Variants in ASXL2 observed in about 807,000 individuals in gnomAD.
ASXL2 encodes the protein putative Polycomb group protein ASXL2.
Under a neutral mutation model 122.0 loss-of-function variants are expected in ASXL2, and 23 were observed. The observed-to-expected ratio is 0.19, with a 90% CI of 0.14 to 0.27. ASXL2 has a LOEUF of 0.27. Ranked by LOEUF, ASXL2 falls within the 10% of genes least tolerant of loss-of-function variation. The pLI, the probability that ASXL2 is intolerant of heterozygous loss-of-function variation, is 1.00. For synonymous variants in ASXL2, 650 were observed against 637.0 expected (o/e 1.02, Z -0.31); for missense variants, 1,518 against 1,713.8 (o/e 0.89, Z 2.02).
chr2:25,846,265 G>A (rs556221689), intron 1 of ASXL2, among the ~76,000 whole-genome samples: 8 of 152,136 alleles, frequency 5.3e-5, no homozygotes, highest in Non-Finnish European at 1.0e-4. Flanking sequence ...CTCCGCCCTT[G>A]CCCCAGGCAA....
chr2:25,763,489 TAA>T (rs111512688), intron 8 of ASXL2, among the ~76,000 whole-genome samples: 1 of 138,712 alleles, frequency 7.2e-6, no homozygotes, highest in Admixed American at 7.2e-5. Context: ...GACTCCATGT[TAA>T]AAAAAAAAAA....
At chr2:25,779,298 A>G (rs2088596514) in intron 5 of ASXL2, among the ~76,000 whole-genome samples, 1 of 151,760 alleles carries the variant, frequency 6.6e-6, no homozygotes, top group South Asian at 2.1e-4. Context: ...AGGTTTTGCC[A>G]TGTTGGCCAG....
intron 5 of ASXL2, among the ~76,000 whole-genome samples, chr2:25,776,596 C>T (rs1285995415): frequency 6.6e-6 from 1 of 152,178 alleles, no homozygotes; most frequent in African/African-American, 2.4e-5. Flanking sequence ...AAAATGGATG[C>T]ACTATTTTTA....
At chr2:25,808,925 A>C (rs2089123558) in intron 3 of ASXL2, among the ~76,000 whole-genome samples, 1 of 152,194 alleles carries the variant, frequency 6.6e-6, no homozygotes, top group African/African-American at 2.4e-5. Context: ...CTGCCAGCCC[A>C]CACACTGTAT....
intron 1 of ASXL2, among the ~76,000 whole-genome samples, chr2:25,852,058 G>A (rs1358793691): frequency 1.3e-5 from 2 of 151,958 alleles, no homozygotes; most frequent in Non-Finnish European, 2.9e-5. Flanking sequence ...TTCCACAAGC[G>A]GAAATGACTA....
At chr2:25,776,533 T>G (rs2088548956) in intron 5 of ASXL2, among the ~76,000 whole-genome samples, 1 of 152,186 alleles carries the variant, frequency 6.6e-6, no homozygotes, top group Non-Finnish European at 1.5e-5. Flanking sequence ...GTGGAATTGC[T>G]GGGTCTTACT....
At chr2:25,853,123 T>TA (rs2089736391) in intron 1 of ASXL2, among the ~76,000 whole-genome samples, 1 of 152,206 alleles carries the variant, frequency 6.6e-6, no homozygotes, top group Non-Finnish European at 1.5e-5. Flanking sequence ...TAATTTCACA[T>TA]ACGGTTTTTG....
At position 25,740,293 on chromosome 2, in the gene ASXL2, T is replaced by C. The variant is rs1483161867; in HGVS notation, c.*1736A>G. 4.6e-6 allele frequency: 1 copy of C among 218,668 alleles called. No individual in the cohort carries two copies. Among genetic ancestry groups the C allele is most frequent in the African/African-American group, 2.2e-5 (1 of 44,524 alleles). 13.5% of individuals were successfully genotyped at this position (218,668 alleles called of 1,614,324 possible). ...TGTGATGTGGGGGTGGGGTGGGCAG[T>C]GGTGGGTAGTAGAATGGGGGCAAAA... is the stretch of plus-strand genomic sequence containing the variant. On this transcript the variant is annotated 3_prime_UTR_variant, in exon 13 of 13. Transcript: ENST00000435504.
chr2:25,751,118 G>A (rs1400980891), intron 11 of ASXL2, among the ~76,000 whole-genome samples: 1 of 152,216 alleles, frequency 6.6e-6, no homozygotes, highest in Non-Finnish European at 1.5e-5. Context: ...AGGCTAATCT[G>A]TAAAGGTCAT....
chr2:25,811,599 G>T (rs2089172144), intron 3 of ASXL2, among the ~76,000 whole-genome samples: 1 of 151,920 alleles, frequency 6.6e-6, no homozygotes, highest in Admixed American at 6.6e-5. Flanking sequence ...ATAATAAGAA[G>T]CTCAAACTTA....
chr2:25,750,224 T>G lies in ASXL2; in HGVS notation c.1332A>C (p.Lys444Asn), dbSNP rs561001599. 3.7e-6 allele frequency: 6 copies of G among 1,614,006 alleles called. No homozygotes were observed. The highest frequency in any genetic ancestry group is 4.2e-6 in the Non-Finnish European group (5 of 1,179,890). Residue 444 changes from lysine to asparagine, a missense_variant, in exon 12 of 13, where the codon AAA (lysine) becomes AAC (asparagine). By Grantham distance (94) the Lys-to-Asn change is moderately conservative. This residue lies in a region of ASXL2 where 292 missense variants were observed against 293.5 expected (regional missense o/e 1.00). Transcript: ENST00000435504. ...CTTCACCTTGGCTTTCACACTCTTC[T>G]TTTCTGCCTGGTGATGACATTTGCA... ...EALQMSSPGR[K>N]EECESQGEVQ...
intron 5 of ASXL2, among the ~76,000 whole-genome samples, chr2:25,795,035 A>G (rs1158869410): frequency 2.6e-5 from 4 of 152,180 alleles, no homozygotes; most frequent in African/African-American, 9.7e-5. Flanking sequence ...ATATTCTATG[A>G]GAGACTAAAT....
intron 5 of ASXL2, among the ~76,000 whole-genome samples, chr2:25,797,712 A>C (rs2088931189): frequency 6.6e-6 from 1 of 152,208 alleles, no homozygotes; most frequent in Admixed American, 6.5e-5. Context: ...TCAGGCCAAA[A>C]TCCACAACAA....
At chr2:25,873,269 T>G (rs1160440513) in intron 1 of ASXL2, among the ~76,000 whole-genome samples, 1 of 152,126 alleles carries the variant, frequency 6.6e-6, no homozygotes, top group Non-Finnish European at 1.5e-5. Flanking sequence ...ATTTGTATTA[T>G]AAAAATTGGC....
At chr2:25,822,179 T>TA (rs1431080814) in intron 3 of ASXL2, among the ~76,000 whole-genome samples, 1 of 143,098 alleles carries the variant, frequency 7.0e-6, no homozygotes, top group Non-Finnish European at 1.5e-5. Context: ...AAGGTAAAAG[T>TA]AACTCTTTAC....
At chr2:25,751,911 A>G (rs1267472699) in intron 11 of ASXL2, among the ~76,000 whole-genome samples, 1 of 151,982 alleles carries the variant, frequency 6.6e-6, no homozygotes, top group Non-Finnish European at 1.5e-5. Flanking sequence ...CTGGGTCTAC[A>G]GGTACGCACC....
chr2:25,779,247 C>G (rs1377602240), intron 5 of ASXL2, among the ~76,000 whole-genome samples: 2 of 151,866 alleles, frequency 1.3e-5, no homozygotes, highest in African/African-American at 4.8e-5. Context: ...CAGGCGCCCA[C>G]CACCATGCCT....
In ASXL2 at chr2:25,739,497, T is replaced by C. The variant is rs2087792336; in HGVS notation, c.*2532A>G. ...TACTACCCAACTGAGAGAACTTAAC[T>C]GTTCTCTTGTCTGGTCAAGATTGAG... On this transcript the variant is annotated 3_prime_UTR_variant, in exon 13 of 13. Transcript: ENST00000435504. 5.3e-6 allele frequency: 1 copy of C among 188,114 alleles called. No homozygotes were observed. Among genetic ancestry groups the C allele is most frequent in the African/African-American group, 2.3e-5 (1 of 42,854 alleles). The allele number at this position is 188,114 out of a possible 1,614,324, so 11.7% of individuals were successfully genotyped here.
intron 1 of ASXL2, among the ~76,000 whole-genome samples, chr2:25,849,348 G>A (rs1463447150): frequency 6.7e-6 from 1 of 148,196 alleles, no homozygotes; most frequent in Non-Finnish European, 1.5e-5. Context: ...TCAGGAGGCT[G>A]GTTCAAGAAT....
Sources: gnomAD v4.1 joint callset for allele counts (sites outside exome capture counted in the v4.1 genomes callset) on GRCh38, gnomAD v4.1.1 for gene constraint, gnomAD v4.1.1 regional missense constraint, MANE v1.5 for transcripts, NCBI Gene and HGNC (gene_info 2026-07-23, HGNC 2026-07-21) for gene names.